Variants in PLEKHG1 observed in about 807,000 individuals in gnomAD.
PLEKHG1 encodes pleckstrin homology and RhoGEF domain containing G1, also known as pleckstrin homology domain-containing family G member 1.
In PLEKHG1, 44 loss-of-function variants were observed where a neutral mutation model predicts 100.8. That is an observed-to-expected ratio of 0.44 (90% CI 0.34 to 0.56). The LOEUF (loss-of-function observed/expected upper bound fraction) is 0.56, where lower values mean the gene tolerates loss of function less well. PLEKHG1 is among the 20% of genes least tolerant of loss of function. The pLI, the probability that PLEKHG1 is intolerant of heterozygous loss-of-function variation, is 0.01. For missense variants in PLEKHG1, 1,545 were observed against 1,720.9 expected (o/e 0.90, Z 1.81); for synonymous variants, 640 against 662.5 (o/e 0.97, Z 0.52).
At chr6:150,645,254 G>T (rs1469160990) in intron 2 of PLEKHG1, among the ~76,000 whole-genome samples, 2 of 152,074 alleles carry the variant, frequency 1.3e-5, no homozygotes, top group East Asian at 1.9e-4. Context: ...TGGGGTAATT[G>T]GTTATCCTTA....
chr6:150,840,315 A>T, exon 16 of PLEKHG1: 1 of 1,614,208 alleles, frequency 6.2e-7, no homozygotes, highest in Non-Finnish European at 8.5e-7. Flanking sequence ...CAACAAATCA[A>T]TGGATTCCAT....
At chr6:150,624,750 T>C (rs1777441561) in intron 1 of PLEKHG1, 1 of 152,186 alleles carries the variant, frequency 6.6e-6, no homozygotes, top group Non-Finnish European at 1.5e-5. Flanking sequence ...CTGGTGTCTC[T>C]GATGAGGAAA....
chr6:150,820,081 C>T (rs1481869501), intron 12 of PLEKHG1, among the ~76,000 whole-genome samples: 4 of 151,946 alleles, frequency 2.6e-5, no homozygotes, highest in Non-Finnish European at 5.9e-5. Flanking sequence ...TGGTGGTGTG[C>T]GCCTATAATC....
At chr6:150,622,425 T>G (rs2128557702) in intron 1 of PLEKHG1, among the ~76,000 whole-genome samples, 1 of 152,286 alleles carries the variant, frequency 6.6e-6, no homozygotes, top group Admixed American at 6.5e-5. Context: ...ACCCATCCTG[T>G]GCCTGTACCC....
rs202154540 is a variant in PLEKHG1 at position 150,710,689 on chromosome 6, G to GA, written c.-98-22885dup. On this transcript the variant is annotated intron_variant, in intron 3 of 3. Coordinates refer to the PLEKHG1 transcript ENST00000367326. ...ATATATTTGCAAACAAGATTGCCCA[G>GA]AAAAAAAAAATCTAGGTTGGGTGTT... Among the ~76,000 whole-genome samples the GA allele has an allele frequency of 7.7e-3, 1,153 of 150,308 alleles. 11 individuals are homozygous for GA. The highest frequency in any genetic ancestry group is 0.025 in the African/African-American group (1,038 of 41,012).
chr6:150,652,742 A>T (rs1778803600), intron 3 of PLEKHG1, among the ~76,000 whole-genome samples: 2 of 151,956 alleles, frequency 1.3e-5, no homozygotes, highest in Non-Finnish European at 2.9e-5. Flanking sequence ...AAAAGAAAAA[A>T]GGAAAAAGGT....
chr6:150,618,996 T>C (rs902791193), intron 1 of PLEKHG1, among the ~76,000 whole-genome samples: 7 of 152,102 alleles, frequency 4.6e-5, no homozygotes, highest in Non-Finnish European at 1.0e-4. Flanking sequence ...GACTGGAGGA[T>C]TGCTTGATCC....
In PLEKHG1 at chr6:150,713,909, G is replaced by A. The variant is rs546526901; in HGVS notation, c.-98-19675G>A. Among the ~76,000 whole-genome samples, 187 of 152,300 alleles carry A rather than the reference G, an allele frequency of 1.2e-3. 1 individual carries two copies. Among genetic ancestry groups the A allele is most frequent in the Middle Eastern group, 0.01 (3 of 294 alleles). On this transcript the variant is annotated intron_variant, in intron 3 of 3. Coordinates refer to the PLEKHG1 transcript ENST00000367326. ...AATTCCTTTGCAAGCCTCCGTAAAG[G>A]TGATTTAAGTCTCAATGGCTGTTAC...
chr6:150,796,072 A>C (rs1786312582), intron 5 of PLEKHG1, among the ~76,000 whole-genome samples, 170 bp downstream of exon 6: 1 of 152,190 alleles, frequency 6.6e-6, no homozygotes, highest in African/African-American at 2.4e-5. Context: ...CCAGATATGG[A>C]TCCGTCTGGG....
In PLEKHG1 at chr6:150,840,637, G is replaced by C. The variant is rs373475485; in HGVS notation, c.3899G>C (p.Arg1300Thr). 3.1e-6 allele frequency: 5 copies of C among 1,614,090 alleles called. No homozygotes were observed. In the African/African-American group the frequency reaches 6.7e-5, roughly 22 times the overall value. The change falls in exon 16 of 16, where the codon AGG becomes ACG. Residue 1300 changes from arginine to threonine, a missense_variant. Physicochemically the swap from Arg to Thr is moderately conservative, Grantham distance 71. Coordinates refer to ENST00000358517, the Ensembl canonical transcript of PLEKHG1. The stretch of plus-strand genomic sequence containing the variant: ...TTGGAGCTATCTCACAATCGTAGAA[G>C]GAAATCTGACTCAAAGTTTGTGGAT...
At chr6:150,750,038 C>T (rs971707684) in intron 2 of PLEKHG1, among the ~76,000 whole-genome samples, 1 of 149,492 alleles carries the variant, frequency 6.7e-6, no homozygotes, top group African/African-American at 2.5e-5. Context: ...TGCCGCTGCA[C>T]TCCAGCCTGG....
Position 150,819,752 on chromosome 6 carries a change from A to G in PLEKHG1, c.1386A>G (p.Pro462=), listed in dbSNP as rs780427255. Residue 462 remains proline, a synonymous_variant, in exon 12 of 16, where the codon CCA becomes CCG. Coordinates refer to ENST00000358517, the Ensembl canonical transcript of PLEKHG1. Reference sequence around the variant, plus strand: ...TCGGCTCTAAAGAAGGTTCTGCTCCATATCGGCTGAGAAGAAAATCTGGTA... The same window carrying G: ...TCGGCTCTAAAGAAGGTTCTGCTCCGTATCGGCTGAGAAGAAAATCTGGTA... The G allele has an allele frequency of 1.0e-5, 16 of 1,605,238 alleles. 1 individual carries two copies. In the South Asian group the frequency reaches 1.5e-4, roughly 15 times the overall value.
At chr6:150,675,312 C>A (rs1032659680) in intron 3 of PLEKHG1, among the ~76,000 whole-genome samples, 1 of 152,186 alleles carries the variant, frequency 6.6e-6, no homozygotes, top group Non-Finnish European at 1.5e-5. Context: ...CCTGAAGACA[C>A]GCGGCTCATA....
chr6:150,699,683 G>A lies in PLEKHG1; in HGVS notation c.-98-33901G>A, dbSNP rs184422127. On this transcript the variant is annotated intron_variant, in intron 3 of 3. Coordinates refer to the PLEKHG1 transcript ENST00000367326. ...AATCACTTAAGCCTCAGAACACCCC[G>A]CGAGGCCATGAAAATTAAGCCATTT... Among the ~76,000 whole-genome samples the A allele has an allele frequency of 3.1e-3, 476 of 152,212 alleles. 5 individuals are homozygous for A. Among genetic ancestry groups the A allele is most frequent in the African/African-American group, 0.011 (448 of 41,520 alleles).
At chr6:150,771,487 C>T (rs982628898) in intron 3 of PLEKHG1, among the ~76,000 whole-genome samples, 68 of 152,032 alleles carry the variant, frequency 4.5e-4, no homozygotes, top group African/African-American at 1.5e-3. Context: ...AGTGGACCCC[C>T]GTCTGCAGAA....
chr6:150,662,265 C>T (rs1779223183), intron 3 of PLEKHG1, among the ~76,000 whole-genome samples: 1 of 152,204 alleles, frequency 6.6e-6, no homozygotes, highest in African/African-American at 2.4e-5. Flanking sequence ...TGGTCAGCTC[C>T]TGCATTTGAG....
chr6:150,603,968 G>A (rs765012936), intron 1 of PLEKHG1, among the ~76,000 whole-genome samples: 16 of 152,048 alleles, frequency 1.1e-4, no homozygotes, highest in Non-Finnish European at 1.9e-4. Context: ...GCTTTCACTC[G>A]GTCTTTAATT....
intron 1 of PLEKHG1, among the ~76,000 whole-genome samples, chr6:150,627,921 G>T (rs367556022): frequency 5.3e-5 from 8 of 152,266 alleles, no homozygotes; most frequent in South Asian, 2.1e-4. Flanking sequence ...TTCCAAACGT[G>T]CTGCTGAGTA....
intron 1 of PLEKHG1, among the ~76,000 whole-genome samples, chr6:150,612,798 A>G (rs1010700565): frequency 2.6e-5 from 4 of 152,156 alleles, no homozygotes; most frequent in Non-Finnish European, 5.9e-5. Context: ...TACCTCCAGC[A>G]TCCAGATTTA....
Sources: gnomAD v4.1 joint callset for allele counts (sites outside exome capture counted in the v4.1 genomes callset) on GRCh38, gnomAD v4.1.1 for gene constraint, MANE v1.5 for transcripts, NCBI Gene and HGNC (gene_info 2026-07-23, HGNC 2026-07-21) for gene names.